The following DLG2 variants were observed in gnomAD, a reference collection of about 807,000 sequenced individuals.
DLG2 encodes discs large MAGUK scaffold protein 2, also known as disks large homolog 2.
A neutral mutation model predicts 132.5 loss-of-function variants in DLG2; 45 were observed. The ratio of observed to expected loss-of-function variants is 0.34; its 90% CI spans 0.27 to 0.44. The LOEUF is 0.44. DLG2 is among the 20% of genes least tolerant of loss of function. DLG2 has a pLI of 1.00. For missense variants in DLG2, 1,045 were observed against 1,196.9 expected (o/e 0.87, Z 1.87); for synonymous variants, 424 against 419.6 (o/e 1.01, Z -0.13).
intron 6 of DLG2, among the ~76,000 whole-genome samples, chr11:84,655,307 G>A (rs2099686871): frequency 6.6e-6 from 1 of 152,132 alleles, no homozygotes. Context: ...CTACAGAGCG[G>A]CAAAAGCCTC....
chr11:83,786,643 C>G, intron 18 of DLG2, 47 bp downstream of exon 18: 1 of 1,503,420 alleles, frequency 6.7e-7, no homozygotes, highest in South Asian at 1.1e-5. Flanking sequence ...GGGTACAGAT[C>G]CACACAGAGA....
intron 14 of DLG2, among the ~76,000 whole-genome samples, chr11:83,939,605 A>G (rs1294224286): frequency 2.0e-5 from 3 of 152,182 alleles, no homozygotes; most frequent in Non-Finnish European, 4.4e-5. Context: ...CTCTACCTCT[A>G]AAATAATTCT....
intron 19 of DLG2, among the ~76,000 whole-genome samples, chr11:83,596,420 T>A (rs889062185): frequency 1.3e-5 from 2 of 152,206 alleles, no homozygotes; most frequent in Non-Finnish European, 2.9e-5. Context: ...TAATTTAGAA[T>A]GTTGCCTTGC....
intron 6 of DLG2, among the ~76,000 whole-genome samples, chr11:84,602,377 T>C (rs1163097311): frequency 1.3e-5 from 2 of 151,872 alleles, no homozygotes; most frequent in Admixed American, 6.6e-5. Flanking sequence ...ATAAAGGTAT[T>C]AAGTAACAGA....
At chr11:84,462,894 T>G (rs2099084238) in intron 7 of DLG2, among the ~76,000 whole-genome samples, 1 of 151,238 alleles carries the variant, frequency 6.6e-6, no homozygotes, top group Admixed American at 6.6e-5. Context: ...CACACTGATC[T>G]TTTTGCAATG....
intron 17 of DLG2, among the ~76,000 whole-genome samples, chr11:83,788,789 A>G (rs1280711522): frequency 6.6e-6 from 1 of 152,256 alleles, no homozygotes; most frequent in Non-Finnish European, 1.5e-5. Context: ...TCTAAAAGGA[A>G]GAGGTAAAAG....
Position 83,681,263 on chromosome 11 carries a change from C to A in DLG2, c.1826-47938G>T, listed in dbSNP as rs143153838. 7.7e-3 allele frequency among the ~76,000 whole-genome samples: 1,168 copies of A among 152,260 alleles called. 14 individuals carry two copies. The highest frequency in any genetic ancestry group is 0.027 in the African/African-American group (1,108 of 41,562). On this transcript the variant is annotated intron_variant, in intron 18 of 27. Transcript: ENST00000376104. ...AGAGTCTAAGAAGGTACAGCTTTCA[C>A]TTCTCTTTCCTTCTGAAGAGGAAAT...
At chr11:85,471,692 A>C (rs2092989460) in intron 3 of DLG2, among the ~76,000 whole-genome samples, 1 of 152,212 alleles carries the variant, frequency 6.6e-6, no homozygotes, top group South Asian at 2.1e-4. Context: ...GAAGGTTAAG[A>C]GATACAGAAG....
chr11:85,247,110 C>G (rs1000297085), intron 4 of DLG2, among the ~76,000 whole-genome samples: 4 of 152,020 alleles, frequency 2.6e-5, no homozygotes, highest in African/African-American at 9.7e-5. Flanking sequence ...AGGAGTATTA[C>G]GTTGATCATA....
chr11:84,979,396 T>C (rs1416752423), intron 6 of DLG2, among the ~76,000 whole-genome samples: 6 of 152,138 alleles, frequency 3.9e-5, no homozygotes, highest in Admixed American at 1.3e-4. Flanking sequence ...AGCAAAGACT[T>C]GGAACCAACC....
At chr11:83,526,526 G>A (rs1472352680) in intron 21 of DLG2, among the ~76,000 whole-genome samples, 1 of 152,100 alleles carries the variant, frequency 6.6e-6, no homozygotes, top group Non-Finnish European at 1.5e-5. Flanking sequence ...TTGCCTAGAA[G>A]GACCTCATAA....
At chr11:84,190,867 C>T (rs12791979) in intron 8 of DLG2, among the ~76,000 whole-genome samples, 5,972 of 152,068 alleles carry the variant, frequency 0.039, 339 homozygotes, top group African/African-American at 0.13. Flanking sequence ...GAACAGCTAT[C>T]GTAATAATCT....
intron 16 of DLG2, among the ~76,000 whole-genome samples, chr11:83,853,115 A>C (rs1287874897): frequency 6.6e-6 from 1 of 152,112 alleles, no homozygotes; most frequent in Non-Finnish European, 1.5e-5. Context: ...AAACCCTCAA[A>C]AATACTCTAA....
intron 7 of DLG2, among the ~76,000 whole-genome samples, chr11:84,438,501 T>G (rs968322164): frequency 6.6e-6 from 1 of 152,124 alleles, no homozygotes; most frequent in Non-Finnish European, 1.5e-5. Context: ...AAACCCAGGT[T>G]TTCTTGTAGT....
rs113193239 is a variant in DLG2 at position 83,819,704 on chromosome 11, C to T, written c.1722+13910G>A. 8.4e-3 allele frequency among the ~76,000 whole-genome samples: 1,279 copies of T among 151,984 alleles called. 25 individuals are homozygous for T. The highest frequency in any genetic ancestry group is 0.029 in the African/African-American group (1,217 of 41,478). On this transcript the variant is annotated intron_variant, in intron 17 of 27. Coordinates refer to ENST00000376104, the MANE Select transcript of DLG2 (RefSeq NM_001142699.3). ...AACATTGGTCCATCAGGAAAGTTTC[C>T]CTCCAGGAAAGATTCTGAACATAGA...
intron 6 of DLG2, among the ~76,000 whole-genome samples, chr11:84,609,231 A>T (rs1432846632): frequency 6.6e-6 from 1 of 151,952 alleles, no homozygotes; most frequent in Non-Finnish European, 1.5e-5. Flanking sequence ...AAGTTAGTTA[A>T]CCTCTCTGTG....
chr11:84,168,524 G>A (rs1231462267), intron 8 of DLG2, among the ~76,000 whole-genome samples: 1 of 152,104 alleles, frequency 6.6e-6, no homozygotes, highest in Non-Finnish European at 1.5e-5. Flanking sequence ...GTAAGGTGGG[G>A]CAATGCCACT....
At chr11:84,995,761 T>C (rs1412484069) in intron 6 of DLG2, among the ~76,000 whole-genome samples, 1 of 152,080 alleles carries the variant, frequency 6.6e-6, no homozygotes, top group African/African-American at 2.4e-5. Context: ...TATTGGAATA[T>C]TATAAATTAT....
intron 18 of DLG2, among the ~76,000 whole-genome samples, chr11:83,707,665 G>A (rs945346338): frequency 6.6e-6 from 1 of 151,998 alleles, no homozygotes; most frequent in East Asian, 1.9e-4. Flanking sequence ...AGTGAGACTC[G>A]GTCTCAACAA....
Sources: gnomAD v4.1 joint callset for allele counts (sites outside exome capture counted in the v4.1 genomes callset) on GRCh38, gnomAD v4.1.1 for gene constraint, MANE v1.5 for transcripts, NCBI Gene and HGNC (gene_info 2026-07-23, HGNC 2026-07-21) for gene names.